THAP6: variants seen among roughly 807,000 people sequenced by gnomAD.
THAP6 encodes THAP domain containing 6.
A neutral mutation model predicts 20.0 loss-of-function variants in THAP6; 13 were observed. The ratio of observed to expected loss-of-function variants is 0.65; its 90% CI spans 0.42 to 1.03. THAP6 has a LOEUF of 1.03. Among genes scored for constraint, THAP6 ranks in the 50% least tolerant of loss-of-function variants. THAP6 has a pLI of 0.00. For missense variants in THAP6, 262 were observed against 261.6 expected, an observed-to-expected ratio of 1.00 and a Z score of -0.01; for synonymous variants, 93 against 92.2, an observed-to-expected ratio of 1.01 and a Z score of -0.05.
intron 4 of THAP6, 59 bp downstream of exon 4, chr4:75,521,920 A>T: frequency 6.3e-7 from 1 of 1,593,716 alleles, no homozygotes; most frequent in Non-Finnish European, 8.6e-7. Context: ...TGTCCTCTCC[A>T]TTACAATCAA....
Position 75,527,143 on chromosome 4 carries a change from A to T in THAP6, c.598A>T (p.Thr200Ser). ...GGATGAATGTCTGATCAGCCAAGAA[A>T]CAGCAAATAGACTGGACACTTTCTG... ...LKDECLISQE[T>S]ANRLDTFCWD... Residue 200 changes from threonine (T) to serine (S), a missense_variant, in exon 5 of 5, where the codon ACA becomes TCA. Physicochemically the swap from Thr to Ser is moderately conservative, Grantham distance 58. Coordinates refer to ENST00000311638, the MANE Select transcript of THAP6 (RefSeq NM_144721.6). The T allele has an allele frequency of 1.2e-6, 2 of 1,614,172 alleles. No individual in the cohort carries two copies. Among genetic ancestry groups the T allele is most frequent in the Non-Finnish European group, 1.7e-6 (2 of 1,180,000 alleles).
chr4:75,514,340 G>A, upstream of THAP6: 11 of 1,567,530 alleles, frequency 7.0e-6, no homozygotes, highest in South Asian at 1.1e-4. Flanking sequence ...TAAAAACCAC[G>A]CCCAGAGAAG....
At chr4:75,520,390 T>C (rs906279722) in intron 3 of THAP6, among the ~76,000 whole-genome samples, 1 of 152,196 alleles carries the variant, frequency 6.6e-6, no homozygotes, top group South Asian at 2.1e-4. Flanking sequence ...TGGATACATA[T>C]TGCCATAGCT....
At chr4:75,534,163 T>A (rs1203209933), downstream of THAP6, among the ~76,000 whole-genome samples, 2 of 152,198 alleles carry the variant, frequency 1.3e-5, no homozygotes, top group Non-Finnish European at 2.9e-5. Context: ...TCTATCATTG[T>A]TGGACATTTG....
chr4:75,525,100 T>TTCA (rs1247606348), intron 4 of THAP6, among the ~76,000 whole-genome samples: 3 of 152,252 alleles, frequency 2.0e-5, no homozygotes, highest in Non-Finnish European at 4.4e-5. Flanking sequence ...CTGATGATGA[T>TTCA]ATGCCTTGGT....
chr4:75,519,973 C>T (rs1219742125), intron 3 of THAP6, among the ~76,000 whole-genome samples: 6 of 151,628 alleles, frequency 4.0e-5, no homozygotes, highest in African/African-American at 1.5e-4. Context: ...TATTTCTCCA[C>T]ATCCTCTCCA....
chr4:75,527,296 T>C lies in THAP6; in HGVS notation c.*82T>C. On this transcript the variant is annotated 3_prime_UTR_variant, in exon 5 of 5. Coordinates refer to ENST00000311638, the MANE Select transcript of THAP6 (RefSeq NM_144721.6). ...TCTCATTTACCATCACTAAATAATATCCATCATTTAAAGTGCTGCTTTGGA... is the reference window on the plus strand; with the variant it reads ...TCTCATTTACCATCACTAAATAATACCCATCATTTAAAGTGCTGCTTTGGA... 3.9e-6 allele frequency: 6 copies of C among 1,536,288 alleles called. No homozygotes were observed. The highest frequency in any genetic ancestry group is 2.6e-5 in the South Asian group (2 of 77,178).
Position 75,528,346 on chromosome 4 carries a change from A to G in THAP6, c.*1132A>G. On this transcript the variant is annotated 3_prime_UTR_variant, in exon 5 of 5. Coordinates refer to ENST00000311638, the MANE Select transcript of THAP6 (RefSeq NM_144721.6). ...ATAATTCCTTACCGAAAACAACTGA[A>G]ATTGAGAGTCATAAATACTGTGGGT... 1.0e-6 allele frequency: 1 copy of G among 985,424 alleles called. No individual in the cohort carries two copies. Among genetic ancestry groups the G allele is most frequent in the Non-Finnish European group, 1.2e-6 (1 of 829,926 alleles). 61.0% of individuals were successfully genotyped at this position (985,424 alleles called of 1,614,324 possible).
At chr4:75,540,188 A>T (rs748584467) in intron 2 of THAP6, among the ~76,000 whole-genome samples, 16 of 152,366 alleles carry the variant, frequency 1.1e-4, no homozygotes, top group Admixed American at 8.5e-4. Flanking sequence ...TTCCCAGATC[A>T]GTGTATACAA....
chr4:75,540,407 G>A (rs773242898), intron 2 of THAP6, among the ~76,000 whole-genome samples: 4 of 152,164 alleles, frequency 2.6e-5, no homozygotes, highest in Non-Finnish European at 5.9e-5. Flanking sequence ...GTGTAGCAGT[G>A]TCTCAGAGCA....
intron 4 of THAP6, among the ~76,000 whole-genome samples, chr4:75,524,992 A>G (rs1428859089): frequency 6.6e-6 from 1 of 152,168 alleles, no homozygotes; most frequent in East Asian, 1.9e-4. Flanking sequence ...TCCTAAGCTC[A>G]GGCGATCCCC....
intron 2 of THAP6, among the ~76,000 whole-genome samples, chr4:75,541,988 C>T (rs1481642980): frequency 1.3e-5 from 2 of 151,802 alleles, no homozygotes; most frequent in African/African-American, 2.4e-5. Context: ...AAAACCATTT[C>T]ATCTCTGAAA....
chr4:75,543,820 G>A (rs1165091177), intron 3 of THAP6, among the ~76,000 whole-genome samples: 1 of 152,174 alleles, frequency 6.6e-6, no homozygotes, highest in Non-Finnish European at 1.5e-5. Flanking sequence ...AAGATTTTTT[G>A]TTAGTAAATC....
At chr4:75,532,122 C>G (rs562860188), downstream of THAP6, among the ~76,000 whole-genome samples, 2 of 152,178 alleles carry the variant, frequency 1.3e-5, no homozygotes, top group African/African-American at 4.8e-5. Flanking sequence ...GGGCAATTCC[C>G]TTCCGCCTAT....
At chr4:75,540,981 T>G (rs1395122618) in intron 2 of THAP6, among the ~76,000 whole-genome samples, 1 of 152,186 alleles carries the variant, frequency 6.6e-6, no homozygotes, top group East Asian at 1.9e-4. Flanking sequence ...CTGGACATAT[T>G]TTGTTGAAAA....
intron 3 of THAP6, among the ~76,000 whole-genome samples, 160 bp from the exon 4 acceptor site, chr4:75,521,576 T>G (rs765888743): frequency 8.5e-5 from 13 of 152,146 alleles, no homozygotes; most frequent in Non-Finnish European, 1.8e-4. Flanking sequence ...TTCAGAAAGT[T>G]CTTTTAAAAT....
chr4:75,537,625 A>G (rs1361734682), intron 2 of THAP6, among the ~76,000 whole-genome samples: 2 of 152,168 alleles, frequency 1.3e-5, no homozygotes, highest in Non-Finnish European at 2.9e-5. Flanking sequence ...GTATGTCTCT[A>G]TCAGCAGTGT....
At position 75,529,784 on chromosome 4, in the gene THAP6, A is replaced by G; in HGVS notation, c.*2570A>G. The stretch of plus-strand genomic sequence containing the variant: ...ATTAATACAACAGTTCAACCTCAGC[A>G]CCAAGTCAGGTACGAAGCGCTTGAT... On this transcript the variant is annotated 3_prime_UTR_variant, in exon 5 of 5. Transcript: ENST00000311638. 1.0e-6 allele frequency: 1 copy of G among 985,426 alleles called. No individual in the cohort carries two copies. Among genetic ancestry groups the G allele is most frequent in the Non-Finnish European group, 1.2e-6 (1 of 829,924 alleles). 61.0% of individuals were successfully genotyped at this position (985,426 alleles called of 1,614,324 possible). A position where few individuals can be genotyped will look rare whatever the true frequency, so the allele number is the denominator to read the frequency against.
chr4:75,546,476 T>C (rs904669831), intron 3 of THAP6, among the ~76,000 whole-genome samples: 3 of 152,246 alleles, frequency 2.0e-5, no homozygotes, highest in African/African-American at 7.2e-5. Context: ...AAGCAATTGA[T>C]TTCTCAAATC....
Sources: allele counts gnomAD v4.1 joint callset (sites outside exome capture counted in the v4.1 genomes callset), GRCh38; gene constraint gnomAD v4.1.1; transcripts MANE v1.5; gene names NCBI Gene and HGNC (gene_info 2026-07-23, HGNC 2026-07-21).